CFAP54: variants seen among roughly 807,000 people sequenced by gnomAD.
CFAP54 encodes cilia and flagella associated protein 54.
CFAP54 carries 290 observed loss-of-function variants against 370.4 expected under a neutral mutation model. The observed-to-expected ratio is 0.78, with a 90% confidence interval of 0.71 to 0.86. The LOEUF (loss-of-function observed/expected upper bound fraction) is 0.86, where lower values mean the gene tolerates loss of function less well. CFAP54 is among the 40% of genes least tolerant of loss of function. CFAP54 has a pLI of 0.00. For synonymous variants in CFAP54, 1,206 were observed against 1,236.5 expected, an observed-to-expected ratio of 0.98 and a Z score of 0.52; for missense variants, 3,399 against 3,528.7, an observed-to-expected ratio of 0.96 and a Z score of 0.93.
At chr12:96,611,685 T>G (rs999788056) in intron 26 of CFAP54, among the ~76,000 whole-genome samples, 2 of 152,048 alleles carry the variant, frequency 1.3e-5, no homozygotes, top group African/African-American at 4.8e-5. Context: ...TGTAGAGAAG[T>G]CCTTAAATGA....
chr12:96,625,890 TG>T, intron 29 of CFAP54, 83 bp downstream of exon 29: 1 of 1,076,194 alleles, frequency 9.3e-7, no homozygotes, highest in South Asian at 1.5e-5. Context: ...TTCTGTTGTC[TG>T]CTTGAAGATT....
chr12:96,568,325 G>A (rs773789278), intron 19 of CFAP54, among the ~76,000 whole-genome samples: 1 of 151,828 alleles, frequency 6.6e-6, no homozygotes, highest in African/African-American at 2.4e-5. Flanking sequence ...TGTCCTATTA[G>A]GATAGACTCT....
At chr12:96,573,701 A>T (rs1414013904) in intron 19 of CFAP54, among the ~76,000 whole-genome samples, 1 of 152,214 alleles carries the variant, frequency 6.6e-6, no homozygotes, top group Admixed American at 6.5e-5. Flanking sequence ...AATGGAGGAA[A>T]CAGATGTCAT....
Position 96,691,203 on chromosome 12 carries a change from C to G in CFAP54, c.6157C>G (p.Pro2053Ala), listed in dbSNP as rs772703726. Residue 2053 changes from proline to alanine, a missense_variant, in exon 44 of 68, where the codon CCA becomes GCA. Pro to Ala is a conservative substitution (Grantham distance 27). Around this residue, in one of 3 missense-constraint regions of CFAP54, gnomAD observed 2,796 missense variants for 2,869.7 expected, o/e 0.97. Transcript: ENST00000524981. ...TCAATATGAAATCACTCAGCTTCTC[C>G]CAGGCATTGAACTCTTCTCAGATAG... is the stretch of plus-strand genomic sequence containing the variant. ...YAQYEITQLLPGIELFSDRYR... is the reference protein window; with the variant it reads ...YAQYEITQLLAGIELFSDRYR... The G allele has an allele frequency of 1.2e-6, 2 of 1,613,544 alleles. No individual in the cohort carries two copies. Among genetic ancestry groups the G allele is most frequent in the Non-Finnish European group, 1.7e-6 (2 of 1,179,714 alleles).
chr12:96,698,489 G>A (rs936897174), intron 45 of CFAP54, among the ~76,000 whole-genome samples: 3 of 152,108 alleles, frequency 2.0e-5, no homozygotes, highest in African/African-American at 7.2e-5. Context: ...ATAATATGCA[G>A]TCATAAAAAA....
At chr12:96,685,502 G>A (rs1320770513) in intron 42 of CFAP54, among the ~76,000 whole-genome samples, 4 of 152,094 alleles carry the variant, frequency 2.6e-5, no homozygotes, top group Non-Finnish European at 4.4e-5. Flanking sequence ...TGGATCCCAA[G>A]TGCCAGATAT....
chr12:96,827,788 T>C (rs1421649131), intron 65 of CFAP54, among the ~76,000 whole-genome samples: 2 of 111,354 alleles, frequency 1.8e-5, no homozygotes. Context: ...TTATATATAA[T>C]ATATAATTAT....
At chr12:96,564,062 G>C (rs1052550259) in intron 17 of CFAP54, among the ~76,000 whole-genome samples, 1 of 152,170 alleles carries the variant, frequency 6.6e-6, no homozygotes, top group African/African-American at 2.4e-5. Context: ...CTCTTAAAGG[G>C]ACCTTGGATG....
chr12:96,547,381 TTCA>T (rs1955651369), intron 14 of CFAP54, among the ~76,000 whole-genome samples: 1 of 152,050 alleles, frequency 6.6e-6, no homozygotes, highest in Non-Finnish European at 1.5e-5. Flanking sequence ...GAGGTGGGGT[TTCA>T]TCATGTTGGC....
chr12:96,806,033 A>G (rs1198631942), intron 63 of CFAP54, among the ~76,000 whole-genome samples: 1 of 150,764 alleles, frequency 6.6e-6, no homozygotes, highest in Admixed American at 6.6e-5. Context: ...GTGGAATAAT[A>G]GACATTGGAA....
Position 96,784,748 on chromosome 12 carries a change from T to C in CFAP54, c.8313T>C (p.Cys2771=). The C allele has an allele frequency of 6.5e-7, 1 of 1,529,184 alleles. No individual in the cohort carries two copies. The highest frequency in any genetic ancestry group is 1.2e-5 in the South Asian group (1 of 82,302). The allele number at this position is 1,529,184 out of a possible 1,614,324, so 94.7% of individuals were successfully genotyped here. A position where few individuals can be genotyped will look rare whatever the true frequency, so the allele number is the denominator to read the frequency against. ...ACCAAGTCCTCTTCCAGACTTCCTGTACATTTTTGTACCAAAATGATGATG... is the reference window on the plus strand; with the variant it reads ...ACCAAGTCCTCTTCCAGACTTCCTGCACATTTTTGTACCAAAATGATGATG... ...DNYQVLFQTS[C]TFLYQNDDVC... Residue 2771 remains cysteine, a synonymous_variant, in exon 61 of 68, where the codon TGT becomes TGC. Transcript: ENST00000524981.
At position 96,753,071 on chromosome 12, in the gene CFAP54, T is replaced by G. The variant is rs181862124; in HGVS notation, c.7685-672T>G. On this transcript the variant is annotated intron_variant, in intron 55 of 67. Coordinates refer to ENST00000524981, the MANE Select transcript of CFAP54 (RefSeq NM_001306084.2). ...TTAATAAATCTTAGCTCTTATTATT[T>G]TCTTTTTTCGTTTTTGTCAAGTACC... is the stretch of plus-strand genomic sequence containing the variant. Among the ~76,000 whole-genome samples, 845 of 152,342 alleles carry G rather than the reference T, an allele frequency of 5.5e-3. 3 individuals carry two copies. Among genetic ancestry groups the G allele is most frequent in the Admixed American group, 0.011 (161 of 15,302 alleles).
chr12:96,838,939 G>A (rs776380037), intron 66 of CFAP54, among the ~76,000 whole-genome samples: 5 of 152,146 alleles, frequency 3.3e-5, no homozygotes, highest in Admixed American at 6.5e-5. Context: ...TAGCCGAGTC[G>A]GGCAGACTCC....
chr12:96,629,600 A>T (rs1956584719), intron 30 of CFAP54, among the ~76,000 whole-genome samples: 1 of 152,092 alleles, frequency 6.6e-6, no homozygotes. Flanking sequence ...GACGTGAGCC[A>T]CCACGCCTGG....
chr12:96,541,680 A>G (rs960650726), intron 14 of CFAP54, among the ~76,000 whole-genome samples: 6 of 152,164 alleles, frequency 3.9e-5, no homozygotes, highest in African/African-American at 1.4e-4. Context: ...GGACACTGAC[A>G]TATTCTTGGC....
chr12:96,795,357 T>A (rs1958750672), intron 63 of CFAP54, among the ~76,000 whole-genome samples: 1 of 152,170 alleles, frequency 6.6e-6, no homozygotes, highest in African/African-American at 2.4e-5. Context: ...AGAGATTATG[T>A]CCTTTGTCTT....
intron 39 of CFAP54, among the ~76,000 whole-genome samples, chr12:96,674,336 C>CTTTTTTTTT (rs5800259): frequency 9.6e-5 from 12 of 124,944 alleles, no homozygotes; most frequent in East Asian, 2.4e-4. Context: ...CAATGTTTTT[C>CTTTTTTTTT]TTTTTTTTTT....
chr12:96,648,959 C>G (rs914057040), intron 34 of CFAP54, among the ~76,000 whole-genome samples: 2 of 152,160 alleles, frequency 1.3e-5, no homozygotes, highest in African/African-American at 4.8e-5. Flanking sequence ...TTCCACACCC[C>G]TTTCCTGCAA....
chr12:96,642,202 T>C (rs1370819996), intron 32 of CFAP54, among the ~76,000 whole-genome samples: 1 of 152,212 alleles, frequency 6.6e-6, no homozygotes, highest in Non-Finnish European at 1.5e-5. Context: ...TCTTCCAGGC[T>C]AGCTCTTCAG....
Sources: gnomAD v4.1 joint callset for allele counts (sites outside exome capture counted in the v4.1 genomes callset) on GRCh38, gnomAD v4.1.1 for gene constraint, gnomAD v4.1.1 regional missense constraint, MANE v1.5 for transcripts, NCBI Gene and HGNC (gene_info 2026-07-23, HGNC 2026-07-21) for gene names.